LRP1B: variants seen among roughly 807,000 people sequenced by gnomAD.
The protein encoded by LRP1B is low-density lipoprotein receptor-related protein 1B.
In LRP1B, 217 loss-of-function variants were observed where a neutral mutation model predicts 556.6. The ratio of observed to expected loss-of-function variants is 0.39; its 90% CI spans 0.35 to 0.44. The LOEUF (loss-of-function observed/expected upper bound fraction) is 0.44, where lower values mean the gene tolerates loss of function less well. Among genes scored for constraint, LRP1B ranks in the 20% least tolerant of loss-of-function variants. LRP1B has a pLI of 1.00. For synonymous variants in LRP1B, 2,047 were observed against 1,865.8 expected, an observed-to-expected ratio of 1.10 and a Z score of -2.50; for missense variants, 5,053 against 5,620.8, an observed-to-expected ratio of 0.90 and a Z score of 3.23.
intron 7 of LRP1B, among the ~76,000 whole-genome samples, chr2:141,114,891 T>A (rs1700848787): frequency 6.6e-6 from 1 of 151,606 alleles, no homozygotes; most frequent in East Asian, 2.0e-4. Flanking sequence ...AAAAAAAAAT[T>A]TATTTTTAAA....
intron 31 of LRP1B, among the ~76,000 whole-genome samples, chr2:140,836,714 A>T (rs1419874061): frequency 5.3e-5 from 8 of 152,180 alleles, no homozygotes; most frequent in Non-Finnish European, 1.0e-4. Flanking sequence ...AGTATATAGC[A>T]AGCTGGGGAA....
intron 2 of LRP1B, among the ~76,000 whole-genome samples, chr2:141,668,407 A>AC (rs1202154289): frequency 2.6e-5 from 4 of 152,002 alleles, no homozygotes; most frequent in African/African-American, 9.7e-5. Context: ...GGCCCACCAC[A>AC]CCCCCCTATC....
Position 141,160,106 on chromosome 2 carries a change from AT to A in LRP1B, c.1013+28314del, listed in dbSNP as rs200934360. 5.7e-4 allele frequency among the ~76,000 whole-genome samples: 87 copies of A among 151,380 alleles called. No individual in the cohort carries two copies. In the East Asian group the frequency reaches 0.015, roughly 25 times the overall value. On this transcript the variant is annotated intron_variant, in intron 7 of 90. Transcript: ENST00000389484. ...GTTCTGCACATGTATCCCATTTCTTATTTTTTTTTAGAAGAAATAAAGAATT... is the reference window on the plus strand; with the variant it reads ...GTTCTGCACATGTATCCCATTTCTTATTTTTTTTAGAAGAAATAAAGAATT...
chr2:141,840,292 C>T (rs1697422530), intron 1 of LRP1B, among the ~76,000 whole-genome samples: 2 of 105,646 alleles, frequency 1.9e-5, no homozygotes, highest in African/African-American at 3.8e-5. Context: ...GAGACGGAAT[C>T]TCGCTCTGTC....
chr2:142,033,243 G>A (rs765376689), intron 1 of LRP1B, among the ~76,000 whole-genome samples: 40 of 151,726 alleles, frequency 2.6e-4, no homozygotes, highest in African/African-American at 8.7e-4. Flanking sequence ...GAAATATAAC[G>A]CAATACAATA....
At chr2:141,411,630 A>C (rs1043665418) in intron 3 of LRP1B, among the ~76,000 whole-genome samples, 7 of 152,110 alleles carry the variant, frequency 4.6e-5, no homozygotes, top group Admixed American at 3.9e-4. Flanking sequence ...GTGCATGAAA[A>C]TGTGCGTGCG....
chr2:141,621,511 C>T (rs559389626), intron 2 of LRP1B, among the ~76,000 whole-genome samples: 26 of 152,198 alleles, frequency 1.7e-4, no homozygotes, highest in South Asian at 8.3e-4. Context: ...AATGAAATTA[C>T]GATATATTCC....
At chr2:140,510,591 C>G (rs537171039) in intron 51 of LRP1B, among the ~76,000 whole-genome samples, 2 of 152,174 alleles carry the variant, frequency 1.3e-5, no homozygotes, top group South Asian at 4.1e-4. Flanking sequence ...GCATGCTCAA[C>G]TGGGAGTCCT....
intron 2 of LRP1B, among the ~76,000 whole-genome samples, chr2:141,545,143 C>A (rs1386206645): frequency 6.6e-6 from 1 of 152,190 alleles, no homozygotes; most frequent in East Asian, 1.9e-4. Flanking sequence ...CATTAAGAAT[C>A]AAAAGCTATA....
intron 2 of LRP1B, among the ~76,000 whole-genome samples, chr2:141,795,140 A>G (rs1234268803): frequency 6.6e-6 from 1 of 152,112 alleles, no homozygotes; most frequent in Non-Finnish European, 1.5e-5. Flanking sequence ...TATAAGTTTA[A>G]AAGAGTCTGA....
chr2:141,035,523 G>C (rs1698507064), intron 11 of LRP1B, among the ~76,000 whole-genome samples: 1 of 151,914 alleles, frequency 6.6e-6, no homozygotes, highest in Non-Finnish European at 1.5e-5. Context: ...GATATTTTCA[G>C]ATAAACACTT....
intron 43 of LRP1B, among the ~76,000 whole-genome samples, chr2:140,592,312 T>A (rs779011891): frequency 1.1e-4 from 16 of 152,132 alleles, no homozygotes; most frequent in Non-Finnish European, 2.1e-4. Context: ...ACATTAGAAA[T>A]TAATTTACCT....
At chr2:141,974,042 T>C (rs1012993537) in intron 1 of LRP1B, among the ~76,000 whole-genome samples, 5 of 151,946 alleles carry the variant, frequency 3.3e-5, no homozygotes, top group African/African-American at 4.8e-5. Flanking sequence ...TAAGTATGAA[T>C]TGATTACATC....
intron 7 of LRP1B, among the ~76,000 whole-genome samples, chr2:141,075,270 A>T (rs985172699): frequency 2.0e-5 from 3 of 152,212 alleles, no homozygotes; most frequent in African/African-American, 7.2e-5. Flanking sequence ...AGTCTGAGTC[A>T]GTAGGACTTC....
intron 87 of LRP1B, among the ~76,000 whole-genome samples, chr2:140,245,422 C>T (rs1681108050): frequency 6.6e-6 from 1 of 151,360 alleles, no homozygotes; most frequent in Non-Finnish European, 1.5e-5. Flanking sequence ...ACAGTCTATG[C>T]TATTTCTTGT....
intron 7 of LRP1B, among the ~76,000 whole-genome samples, chr2:141,122,377 T>C (rs1450199794): frequency 3.5e-5 from 5 of 144,728 alleles, no homozygotes; most frequent in African/African-American, 1.3e-4. Flanking sequence ...ATATCCAGAA[T>C]CTACAAATAA....
chr2:140,739,513 C>T (rs1688066024), intron 35 of LRP1B, among the ~76,000 whole-genome samples: 1 of 152,128 alleles, frequency 6.6e-6, no homozygotes. Context: ...TTCAGTCTAC[C>T]TCCCTGGTAC....
At chr2:141,391,988 T>C (rs1344885072) in intron 3 of LRP1B, among the ~76,000 whole-genome samples, 1 of 152,138 alleles carries the variant, frequency 6.6e-6, no homozygotes, top group Admixed American at 6.5e-5. Flanking sequence ...GTAAGATGCA[T>C]GTATATCCAA....
intron 6 of LRP1B, among the ~76,000 whole-genome samples, chr2:141,227,554 A>G (rs1449701508): frequency 6.6e-6 from 1 of 152,186 alleles, no homozygotes; most frequent in Non-Finnish European, 1.5e-5. Flanking sequence ...ATTTCTCCAT[A>G]GAATTCTTGA....
Sources: allele counts gnomAD v4.1 joint callset (sites outside exome capture counted in the v4.1 genomes callset), GRCh38; gene constraint gnomAD v4.1.1; transcripts MANE v1.5; gene names NCBI Gene and HGNC (gene_info 2026-07-23, HGNC 2026-07-21).